The following XPC variants were observed in gnomAD, a reference collection of about 807,000 sequenced individuals.
XPC encodes XPC complex subunit, DNA damage recognition and repair factor.
In XPC, 76 loss-of-function variants were observed where a neutral mutation model predicts 95.8. That is an observed-to-expected ratio of 0.79 (90% confidence interval 0.66 to 0.96). The LOEUF (loss-of-function observed/expected upper bound fraction) is 0.96. Ranked by LOEUF, XPC falls within the 40% of genes least tolerant of loss-of-function variation. XPC has a pLI of 0.00. For missense variants in XPC, 1,146 were observed against 1,179.8 expected (o/e 0.97, Z 0.42); for synonymous variants, 442 against 442.1 (o/e 1.00, Z 0.00).
intron 15 of XPC, 64 bp from the exon 16 acceptor site, chr3:14,146,223 C>A: frequency 6.9e-7 from 1 of 1,456,576 alleles, no homozygotes. Context: ...CAGGAAGCCC[C>A]ATGAAGAGGC....
rs376501116 is a variant in XPC, at chr3:14,148,016, C to G, written c.2421-15G>C. Reference sequence around the variant, plus strand: ...ATCCATCAGTCCTGTGGGGACACAACGCGATGTCAACCCTCGAACCTGCTG... The same window carrying G: ...ATCCATCAGTCCTGTGGGGACACAAGGCGATGTCAACCCTCGAACCTGCTG... On this transcript the variant is annotated splice_polypyrimidine_tract_variant and intron_variant, in intron 13 of 15. Transcript: ENST00000285021. The G allele has an allele frequency of 2.7e-4, 422 of 1,559,968 alleles. No homozygotes were observed. Among genetic ancestry groups the G allele is most frequent in the Non-Finnish European group, 3.4e-4 (390 of 1,148,500 alleles).
In XPC at chr3:14,158,043, A is replaced by G; in HGVS notation, c.1840T>C (p.Phe614Leu). The G allele has an allele frequency of 6.2e-7, 1 of 1,603,066 alleles. No homozygotes were observed. The highest frequency in any genetic ancestry group is 8.5e-7 in the Non-Finnish European group (1 of 1,170,670). Residue 614 changes from phenylalanine (F) to leucine (L), a missense_variant, in exon 9 of 16, where the codon TTT (phenylalanine) becomes CTT (leucine). Physicochemically the swap from Phe to Leu is conservative, Grantham distance 22. Coordinates refer to ENST00000285021, the MANE Select transcript of XPC (RefSeq NM_004628.5). This position sits in a 1 kb window ranked among gnomAD's most constrained non-coding sequence, Gnocchi z 5.2. Reference protein sequence around the residue: ...AETLRPYQSPFMDREKKEDLE... With the variant: ...AETLRPYQSPLMDREKKEDLE... ...TCTTCTTTCTTCTCCCTGTCCATAA[A>G]TGGGCTCTGGTATGGTCTCAAGGTC...
chr3:14,167,673 A>G (rs1356067166), intron 4 of XPC, among the ~76,000 whole-genome samples: 1 of 152,190 alleles, frequency 6.6e-6, no homozygotes, highest in African/African-American at 2.4e-5. Flanking sequence ...TTCAGTCTGT[A>G]TCCCATTAAT....
At chr3:14,156,187 TCACA>T in intron 10 of XPC, 144 bp downstream of exon 10, 1 of 962,836 alleles carries the variant, frequency 1.0e-6, no homozygotes, top group Non-Finnish European at 1.5e-6. Context: ...CTCCTACACA[TCACA>T]CACACACAGC....
At chr3:14,151,943 T>G (rs1574953975) in intron 11 of XPC, 1 of 187,030 alleles carries the variant, frequency 5.3e-6, no homozygotes, top group African/African-American at 2.4e-5. Flanking sequence ...AGAGATCACA[T>G]ACATGCAAAA....
chr3:14,149,246 G>T (rs1237696585), intron 11 of XPC, among the ~76,000 whole-genome samples: 2 of 152,148 alleles, frequency 1.3e-5, no homozygotes, highest in Admixed American at 6.6e-5. Flanking sequence ...ACCACGCCCG[G>T]CTAATTTTTG....
intron 13 of XPC, chr3:14,148,294 C>T: frequency 3.4e-6 from 2 of 589,738 alleles, no homozygotes; most frequent in Non-Finnish European, 5.9e-6. Context: ...AAGATGCTGA[C>T]TGTTTTTTGC....
intron 3 of XPC, among the ~76,000 whole-genome samples, chr3:14,169,489 G>A (rs3731087): frequency 0.013 from 2,029 of 152,234 alleles, 25 homozygotes; most frequent in Middle Eastern, 0.031. Context: ...AAAACAAGGC[G>A]GTAGGTGGGA....
chr3:14,159,544 C>G (rs536130405), intron 8 of XPC, among the ~76,000 whole-genome samples, 197 bp downstream of exon 8: 8 of 152,348 alleles, frequency 5.3e-5, no homozygotes, highest in African/African-American at 1.7e-4. Context: ...ACAGGCCACT[C>G]TGCACACGTG....
Position 14,158,078 on chromosome 3 carries a change from C to A in XPC, c.1805G>T (p.Trp602Leu), listed in dbSNP as rs775231298. 2 of 1,613,778 alleles carry A rather than the reference C, an allele frequency of 1.2e-6. No individual in the cohort carries two copies. Among genetic ancestry groups the A allele is most frequent in the African/African-American group, 2.7e-5 (2 of 74,928 alleles). ...GTATGGTCTCAAGGTCTCGGCCCAC[C>A]ACTCAGCATCAACCCGGCACTTGCG... Reference protein sequence around the residue: ...VTRKCRVDAEWWAETLRPYQS... With the variant: ...VTRKCRVDAELWAETLRPYQS... Residue 602 changes from tryptophan (W) to leucine (L), a missense_variant, in exon 9 of 16, where the codon TGG (tryptophan) becomes TTG (leucine). By Grantham distance (61) the Trp-to-Leu change is moderately conservative. Transcript: ENST00000285021. The surrounding 1 kb of genome is among the most constrained non-coding windows in gnomAD (Gnocchi z 5.2).
At chr3:14,160,719 C>T (rs556578189) in intron 7 of XPC, among the ~76,000 whole-genome samples, 5 of 152,150 alleles carry the variant, frequency 3.3e-5, no homozygotes, top group Non-Finnish European at 5.9e-5. Context: ...AGTGAGAAAA[C>T]GTGGAAAATC....
In XPC at chr3:14,167,605, T is replaced by A. The variant is rs144126808; in HGVS notation, c.537-352A>T. Among the ~76,000 whole-genome samples, 362 of 152,348 alleles carry A rather than the reference T, an allele frequency of 2.4e-3. 3 individuals are homozygous for A. The highest frequency in any genetic ancestry group is 4.6e-3 in the East Asian group (24 of 5,186). On this transcript the variant is annotated intron_variant, in intron 4 of 15. Transcript: ENST00000285021. ...TCTCCTTAGCAACCATTACCTTTAT[T>A]AATGTTAAATTAACACACCATCATT...
chr3:14,158,945 GAT>G lies in XPC; in HGVS notation c.991-55_991-54del. The G allele has an allele frequency of 6.2e-7, 1 of 1,606,690 alleles. No individual in the cohort carries two copies. Among genetic ancestry groups the G allele is most frequent in the East Asian group, 2.2e-5 (1 of 44,852 alleles). ...TTTTTCTCCCCCCTCTTTTGCTAATGATATGATAGAAATCCTGTAATCTAATA... is the reference window on the plus strand; with the variant it reads ...TTTTTCTCCCCCCTCTTTTGCTAATGATGATAGAAATCCTGTAATCTAATA... On this transcript the variant is annotated intron_variant, in intron 8 of 15. Transcript: ENST00000285021. The surrounding 1 kb of genome is among the most constrained non-coding windows in gnomAD (Gnocchi z 5.2).
At chr3:14,165,355 A>G in intron 6 of XPC, 73 bp downstream of exon 6, 16 of 1,495,038 alleles carry the variant, frequency 1.1e-5, no homozygotes, top group Non-Finnish European at 1.3e-5. Flanking sequence ...TGTGGAAGTG[A>G]CCTGAACCCA....
Position 14,145,752 on chromosome 3 carries a change from C to T in XPC, c.*189G>A, listed in dbSNP as rs1026208440. On this transcript the variant is annotated 3_prime_UTR_variant, in exon 16 of 16. Transcript: ENST00000285021. ...GGGTGAATCTGACAAGGGCTGGAGC[C>T]AGACGGGACCTGCAGCACCTCCTCA... is the stretch of plus-strand genomic sequence containing the variant. The T allele has an allele frequency of 2.7e-6, 2 of 747,346 alleles. No homozygotes were observed. Among genetic ancestry groups the T allele is most frequent in the African/African-American group, 3.4e-5 (2 of 57,972 alleles). 46.3% of individuals were successfully genotyped at this position (747,346 alleles called of 1,614,324 possible).
In XPC at chr3:14,148,048, C is replaced by T. The variant is rs936150224; in HGVS notation, c.2421-47G>A. ...TCAACCCTCGAACCTGCTGCCTGCT[C>T]TGCCTCTCCTCCCTCCCCAGTTTGT... is the stretch of plus-strand genomic sequence containing the variant. On this transcript the variant is annotated intron_variant, in intron 13 of 15. Transcript: ENST00000285021. The T allele has an allele frequency of 4.7e-6, 7 of 1,484,820 alleles. No individual in the cohort carries two copies. The African/African-American group carries it at 8.3e-5, about 18-fold the overall frequency. The allele number at this position is 1,484,820 out of a possible 1,614,324, so 92.0% of individuals were successfully genotyped here. A position where few individuals can be genotyped will look rare whatever the true frequency, so the allele number is the denominator to read the frequency against.
At chr3:14,163,044 T>C (rs1363294995) in intron 7 of XPC, among the ~76,000 whole-genome samples, 2 of 152,168 alleles carry the variant, frequency 1.3e-5, no homozygotes, top group East Asian at 3.9e-4. Flanking sequence ...AGAAATGCTA[T>C]CAAAACCACA....
At chr3:14,164,421 A>G (rs137866368) in intron 7 of XPC, 83 of 189,258 alleles carry the variant, frequency 4.4e-4, no homozygotes, top group African/African-American at 1.9e-3. Context: ...GTGAGATACA[A>G]AAACACATTC....
At chr3:14,177,385 G>C (rs1487462762) in intron 1 of XPC, among the ~76,000 whole-genome samples, 1 of 152,142 alleles carries the variant, frequency 6.6e-6, no homozygotes, top group African/African-American at 2.4e-5. Context: ...ATCTGGGAAG[G>C]ACCACCTTAG....
Sources: gnomAD v4.1 joint callset for allele counts (sites outside exome capture counted in the v4.1 genomes callset) on GRCh38, gnomAD v4.1.1 for gene constraint, Gnocchi (gnomAD v3.1) non-coding constraint, MANE v1.5 for transcripts, NCBI Gene and HGNC (gene_info 2026-07-23, HGNC 2026-07-21) for gene names.